Variants in GARNL3 observed in about 807,000 individuals in gnomAD.
The protein encoded by GARNL3 is GTPase activating Rap/RanGAP domain like 3.
Under a neutral mutation model 125.0 loss-of-function variants are expected in GARNL3, and 63 were observed. That is an observed-to-expected ratio of 0.50 (90% CI 0.41 to 0.62). The LOEUF is 0.62. Ranked by LOEUF, GARNL3 falls within the 20% of genes least tolerant of loss-of-function variation. GARNL3 has a pLI of 0.00. For missense variants in GARNL3, 994 were observed against 1,244.0 expected, an observed-to-expected ratio of 0.80 and a Z score of 3.02; for synonymous variants, 439 against 457.5, an observed-to-expected ratio of 0.96 and a Z score of 0.52.
intron 1 of GARNL3, among the ~76,000 whole-genome samples, chr9:127,227,531 G>A (rs911062535): frequency 6.6e-6 from 1 of 152,036 alleles, no homozygotes; most frequent in African/African-American, 2.4e-5. Context: ...AACCCAGGAG[G>A]CAGAGGTTGC....
intron 2 of GARNL3, among the ~76,000 whole-genome samples, chr9:127,292,010 T>C (rs2064436104): frequency 6.6e-6 from 1 of 152,162 alleles, no homozygotes; most frequent in Non-Finnish European, 1.5e-5. Context: ...GCCTGGCACA[T>C]AGTAAGCTTC....
chr9:127,390,116 G>C (rs141920793), intron 26 of GARNL3, among the ~76,000 whole-genome samples: 123 of 152,264 alleles, frequency 8.1e-4, no homozygotes, highest in African/African-American at 2.9e-3. Context: ...CTGCATGAAC[G>C]TTGGCCTGGG....
In GARNL3 at chr9:127,385,021, T is replaced by C; in HGVS notation, c.2270-6T>C. On this transcript the variant is annotated splice_polypyrimidine_tract_variant and splice_region_variant and intron_variant, in intron 23 of 27. Coordinates refer to ENST00000373387, the MANE Select transcript of GARNL3 (RefSeq NM_032293.5). The surrounding 1 kb of genome is among the most constrained non-coding windows in gnomAD (Gnocchi z 4.1). ...GCTGGGAGGTGACACTCCCGTTCCC[T>C]TGCAGTCTGTGCTTTCCCGTATCTC... 5 of 1,593,410 alleles carry C rather than the reference T, an allele frequency of 3.1e-6. No homozygotes were observed. The highest frequency in any genetic ancestry group is 4.3e-6 in the Non-Finnish European group (5 of 1,164,758).
At chr9:127,247,606 TA>T (rs1265163874) in intron 2 of GARNL3, among the ~76,000 whole-genome samples, 1 of 152,264 alleles carries the variant, frequency 6.6e-6, no homozygotes, top group African/African-American at 2.4e-5. Context: ...TTGTTATTTA[TA>T]TTTTTTTACC....
intron 2 of GARNL3, chr9:127,300,418 C>T (rs1588797505): frequency 2.5e-6 from 1 of 401,010 alleles, no homozygotes; most frequent in South Asian, 1.9e-5. Flanking sequence ...TTCTCTTCTG[C>T]CCCTGCTGTT....
chr9:127,369,518 GGGATTACCAGGA>G (rs1564187222), intron 22 of GARNL3, among the ~76,000 whole-genome samples: 1 of 152,234 alleles, frequency 6.6e-6, no homozygotes, highest in Non-Finnish European at 1.5e-5. Context: ...CGGAAAGGCA[GGGATTACCAGGA>G]GCCTGCAGGA....
intron 1 of GARNL3, among the ~76,000 whole-genome samples, chr9:127,287,134 GT>G (rs2064273065): frequency 6.6e-6 from 1 of 152,156 alleles, no homozygotes; most frequent in African/African-American, 2.4e-5. Context: ...AATTAATTCA[GT>G]CAAATGGCCA....
intron 2 of GARNL3, among the ~76,000 whole-genome samples, chr9:127,310,994 ATAAG>A (rs1457125437): frequency 6.6e-6 from 1 of 152,166 alleles, no homozygotes; most frequent in African/African-American, 2.4e-5. Context: ...AAATAATTGA[ATAAG>A]TAAGTATGCA....
intron 4 of GARNL3, 113 bp downstream of exon 4, chr9:127,313,672 C>T (rs911571174): frequency 1.2e-5 from 9 of 765,620 alleles, no homozygotes; most frequent in Admixed American, 1.8e-5. Context: ...ATAGTCTTCT[C>T]GTGATTCACC....
intron 6 of GARNL3, among the ~76,000 whole-genome samples, chr9:127,324,715 G>A (rs569992722): frequency 1.3e-5 from 2 of 152,318 alleles, no homozygotes; most frequent in Admixed American, 6.5e-5. Context: ...CACACACGCT[G>A]ACAGTGATCT....
chr9:127,337,309 G>A (rs959269401), intron 11 of GARNL3, among the ~76,000 whole-genome samples: 1 of 152,176 alleles, frequency 6.6e-6, no homozygotes, highest in Non-Finnish European at 1.5e-5. Flanking sequence ...TGAGGTGACT[G>A]TTCAGGTGAT....
At chr9:127,309,685 A>G (rs1423650541) in intron 2 of GARNL3, among the ~76,000 whole-genome samples, 1 of 152,224 alleles carries the variant, frequency 6.6e-6, no homozygotes, top group Non-Finnish European at 1.5e-5. Flanking sequence ...TTATTCATTC[A>G]TTACATTACA....
chr9:127,244,946 G>C (rs916939919), intron 2 of GARNL3, among the ~76,000 whole-genome samples: 1 of 152,254 alleles, frequency 6.6e-6, no homozygotes, highest in South Asian at 2.1e-4. Flanking sequence ...TGAGCAAGAT[G>C]GACCCGGTAG....
At chr9:127,299,503 G>T (rs534006824) in intron 2 of GARNL3, among the ~76,000 whole-genome samples, 1 of 152,194 alleles carries the variant, frequency 6.6e-6, no homozygotes, top group Admixed American at 6.5e-5. Context: ...AGGTTCAAGC[G>T]ATTCTCCCAC....
upstream of GARNL3, chr9:127,264,176 T>C: frequency 4.3e-6 from 2 of 466,862 alleles, no homozygotes; most frequent in South Asian, 8.4e-5. Context: ...TCATGAGTAT[T>C]GCTTGAGTGC....
intron 21 of GARNL3, among the ~76,000 whole-genome samples, chr9:127,358,076 G>A (rs1047091936): frequency 6.6e-6 from 1 of 152,190 alleles, no homozygotes; most frequent in Admixed American, 6.5e-5. Context: ...GAACAAGGAT[G>A]TCCTAGTGTG....
chr9:127,232,320 T>C (rs2063033084), intron 1 of GARNL3, among the ~76,000 whole-genome samples: 1 of 152,222 alleles, frequency 6.6e-6, no homozygotes, highest in African/African-American at 2.4e-5. Context: ...TCTTTTTGTC[T>C]TTTTAAAAGA....
chr9:127,300,104 C>A, intron 2 of GARNL3: 1 of 321,810 alleles, frequency 3.1e-6, no homozygotes. Flanking sequence ...TTCTTTACTT[C>A]TCCAAGATCT....
chr9:127,348,559 G>A (rs1274750592), intron 16 of GARNL3, among the ~76,000 whole-genome samples: 1 of 152,136 alleles, frequency 6.6e-6, no homozygotes, highest in East Asian at 1.9e-4. Flanking sequence ...CTTTAATGAT[G>A]AACTAATATG....
Sources: allele counts gnomAD v4.1 joint callset (sites outside exome capture counted in the v4.1 genomes callset), GRCh38; gene constraint gnomAD v4.1.1; non-coding constraint Gnocchi (gnomAD v3.1); transcripts MANE v1.5; gene names NCBI Gene and HGNC (gene_info 2026-07-23, HGNC 2026-07-21).